Variants in APBA2 observed in about 807,000 individuals in gnomAD.
APBA2 encodes the protein amyloid beta precursor protein binding family A member 2.
A neutral mutation model predicts 75.0 loss-of-function variants in APBA2; 30 were observed. The observed-to-expected ratio is 0.40, with a 90% CI of 0.30 to 0.54. The LOEUF is 0.54. Ranked by LOEUF, APBA2 falls within the 20% of genes least tolerant of loss-of-function variation. APBA2 has a pLI of 0.49. For missense variants in APBA2, 801 were observed against 1,016.1 expected (o/e 0.79, Z 2.88); for synonymous variants, 444 against 409.6 (o/e 1.08, Z -1.01).
intron 2 of APBA2, among the ~76,000 whole-genome samples, chr15:28,943,103 C>T (rs552347728): frequency 6.0e-4 from 92 of 152,296 alleles, no homozygotes; most frequent in Middle Eastern, 6.8e-3. Context: ...TGAAAACTAC[C>T]ATTCAGAATG....
chr15:29,072,404 G>T (rs1480188205), intron 4 of APBA2, among the ~76,000 whole-genome samples: 1 of 152,182 alleles, frequency 6.6e-6, no homozygotes, highest in Non-Finnish European at 1.5e-5. Flanking sequence ...CCCAAATAAG[G>T]TTTACTTTAG....
At chr15:29,023,558 C>T (rs1352188122) in intron 3 of APBA2, among the ~76,000 whole-genome samples, 6 of 141,040 alleles carry the variant, frequency 4.3e-5, no homozygotes, top group South Asian at 2.3e-4. Flanking sequence ...GAGGTTCAAG[C>T]GATTCTCCTG....
intron 3 of APBA2, among the ~76,000 whole-genome samples, chr15:29,031,596 A>G (rs2040490940): frequency 6.6e-6 from 1 of 152,098 alleles, no homozygotes; most frequent in Non-Finnish European, 1.5e-5. Context: ...AGCCTCTGGC[A>G]AAATGCCCTT....
chr15:28,931,350 G>T (rs568331066), intron 2 of APBA2, among the ~76,000 whole-genome samples: 2 of 152,274 alleles, frequency 1.3e-5, no homozygotes, highest in Admixed American at 1.3e-4. Context: ...GCGGGGGCCT[G>T]GGAATGGGAG....
intron 1 of APBA2, among the ~76,000 whole-genome samples, chr15:28,920,229 A>G (rs191628707): frequency 2.0e-5 from 3 of 152,322 alleles, no homozygotes; most frequent in East Asian, 1.9e-4. Flanking sequence ...CTGGGTTTTG[A>G]AGAATGAATA....
intron 2 of APBA2, among the ~76,000 whole-genome samples, chr15:28,986,782 T>C (rs2037950987): frequency 6.6e-6 from 1 of 152,240 alleles, no homozygotes. Flanking sequence ...CTTATTTTTA[T>C]GTTAGTCTTT....
intron 9 of APBA2, 140 bp from the exon 10 acceptor site, chr15:29,101,459 T>C: frequency 1.2e-6 from 1 of 833,754 alleles, no homozygotes; most frequent in African/African-American, 1.7e-5. Flanking sequence ...CTTGAACTCC[T>C]GACCTCAGGT....
At chr15:29,014,201 T>A (rs1273343942) in intron 3 of APBA2, among the ~76,000 whole-genome samples, 1 of 152,218 alleles carries the variant, frequency 6.6e-6, no homozygotes, top group East Asian at 1.9e-4. Context: ...CTCACTTCGC[T>A]GCATGCAGCT....
chr15:28,910,679 A>G (rs1189071529), intron 1 of APBA2, among the ~76,000 whole-genome samples: 5 of 152,168 alleles, frequency 3.3e-5, no homozygotes, highest in Non-Finnish European at 5.9e-5. Context: ...TACCACAGCA[A>G]TTGCTTTCCT....
At chr15:29,005,159 G>C (rs2039048289) in intron 3 of APBA2, among the ~76,000 whole-genome samples, 1 of 152,206 alleles carries the variant, frequency 6.6e-6, no homozygotes, top group Non-Finnish European at 1.5e-5. Context: ...ACTTGCATCG[G>C]AATTCTGCCT....
At chr15:29,038,087 C>T (rs1334885903) in intron 3 of APBA2, among the ~76,000 whole-genome samples, 1 of 152,198 alleles carries the variant, frequency 6.6e-6, no homozygotes, top group African/African-American at 2.4e-5. Context: ...CTGGCTGGCA[C>T]CTCTGGTTTT....
At position 28,991,659 on chromosome 15, in the gene APBA2, C is replaced by T. The variant is rs2038239713; in HGVS notation, c.-94-4094C>T. ...GCCATTAGGCTGGTACCAGGAGGAGCCAGGTCGAGCTGGCACTGGGGCGAC... is the reference window on the plus strand; with the variant it reads ...GCCATTAGGCTGGTACCAGGAGGAGTCAGGTCGAGCTGGCACTGGGGCGAC... On this transcript the variant is annotated intron_variant, in intron 2 of 14. Coordinates refer to ENST00000683413, the MANE Select transcript of APBA2 (RefSeq NM_001353788.2). This position sits in a 1 kb window ranked among gnomAD's most constrained non-coding sequence, Gnocchi z 4.7. Among the ~76,000 whole-genome samples the T allele has an allele frequency of 6.6e-6, 1 of 152,140 alleles. No homozygotes were observed. The highest frequency in any genetic ancestry group is 2.1e-4 in the South Asian group (1 of 4,826).
At chr15:28,893,175 T>C (rs931588883) in intron 1 of APBA2, among the ~76,000 whole-genome samples, 15 of 152,340 alleles carry the variant, frequency 9.8e-5, no homozygotes, top group Admixed American at 9.2e-4. Flanking sequence ...AGAGTTTGTC[T>C]TGACTCATCC....
In APBA2 at chr15:28,947,457, A is replaced by T. The variant is rs547726297; in HGVS notation, c.-95+25708A>T. Reference sequence around the variant, plus strand: ...GAGCCAGAGCCATCAGGGAGCCATCACCTGTCCTGGCCTGACCTGTCCTGT... The same window carrying T: ...GAGCCAGAGCCATCAGGGAGCCATCTCCTGTCCTGGCCTGACCTGTCCTGT... On this transcript the variant is annotated intron_variant, in intron 2 of 14. Transcript: ENST00000683413. Among the ~76,000 whole-genome samples, 22 of 152,220 alleles carry T rather than the reference A, an allele frequency of 1.4e-4. 1 individual carries two copies. The highest frequency in any genetic ancestry group is 1.1e-3 in the Admixed American group (17 of 15,294).
At chr15:29,097,668 G>A (rs959175428) in intron 8 of APBA2, among the ~76,000 whole-genome samples, 1 of 152,126 alleles carries the variant, frequency 6.6e-6, no homozygotes, top group African/African-American at 2.4e-5. Flanking sequence ...TTTTTGTAAT[G>A]AGAACACTTC....
chr15:28,898,318 A>G (rs1369974525), intron 1 of APBA2, among the ~76,000 whole-genome samples: 1 of 152,232 alleles, frequency 6.6e-6, no homozygotes, highest in African/African-American at 2.4e-5. Context: ...TAACTGCCAA[A>G]GTGCAAAGAA....
intron 1 of APBA2, among the ~76,000 whole-genome samples, chr15:28,908,561 C>T (rs887632438): frequency 1.1e-4 from 17 of 151,918 alleles, no homozygotes; most frequent in South Asian, 2.1e-4. Flanking sequence ...CACCCGCCTC[C>T]GCCTGTCAAA....
At chr15:28,989,263 G>T (rs1259536112) in intron 2 of APBA2, among the ~76,000 whole-genome samples, 2 of 152,138 alleles carry the variant, frequency 1.3e-5, no homozygotes, top group Non-Finnish European at 2.9e-5. Context: ...CACATTGCCA[G>T]GGTTAAATCC....
chr15:29,069,877 G>A (rs2042543673), intron 4 of APBA2, among the ~76,000 whole-genome samples: 2 of 152,260 alleles, frequency 1.3e-5, no homozygotes, highest in Non-Finnish European at 2.9e-5. Flanking sequence ...GTTCTGAAAT[G>A]CTGCACTGGA....
Sources: allele counts gnomAD v4.1 joint callset (sites outside exome capture counted in the v4.1 genomes callset), GRCh38; gene constraint gnomAD v4.1.1; non-coding constraint Gnocchi (gnomAD v3.1); transcripts MANE v1.5; gene names NCBI Gene and HGNC (gene_info 2026-07-23, HGNC 2026-07-21).